KLC4: variants seen among roughly 807,000 people sequenced by gnomAD.
KLC4 encodes the protein kinesin light chain 4, also known as kinesin-like protein 8.
KLC4 carries 49 observed loss-of-function variants against 77.2 expected under a neutral mutation model. The ratio of observed to expected loss-of-function variants is 0.63; its 90% CI spans 0.50 to 0.80. The LOEUF is 0.80. KLC4 is among the 30% of genes least tolerant of loss of function. The pLI is 0.00. For synonymous variants in KLC4, 274 were observed against 314.5 expected (o/e 0.87, Z 1.36); for missense variants, 669 against 793.5 (o/e 0.84, Z 1.89).
Position 43,073,918 on chromosome 6 carries a change from G to A in KLC4, c.1762G>A (p.Ala588Thr), listed in dbSNP as rs367800145. The A allele has an allele frequency of 6.2e-7, 1 of 1,614,026 alleles. No homozygotes were observed. Among genetic ancestry groups the A allele is most frequent in the East Asian group, 2.2e-5 (1 of 44,874 alleles). Reference protein sequence around the residue: ...PRPSSSNMKRAASLNYLNQPS... With the variant: ...PRPSSSNMKRTASLNYLNQPS... ...CCATTGTAGCAGCAACATGAAGCGA[G>A]CAGCCTCCTTGAACTATCTGAACCA... The change falls in exon 15 of 16, where the codon GCA becomes ACA. Residue 588 changes from alanine to threonine, a missense_variant. Coordinates refer to ENST00000347162, the MANE Select transcript of KLC4 (RefSeq NM_201521.3).
Position 43,061,588 on chromosome 6 carries a change from G to T in KLC4, c.253G>T (p.Ala85Ser), listed in dbSNP as rs1765164777. ...MENIELGLSE[A>S]QVMLALASHL... ...AAACATTGAGCTCGGGCTGAGTGAGGCCCAGGTGAGAGGGCAAAGGTGGTG... is the reference window on the plus strand; with the variant it reads ...AAACATTGAGCTCGGGCTGAGTGAGTCCCAGGTGAGAGGGCAAAGGTGGTG... Residue 85 changes from alanine (A) to serine (S), a missense_variant, in exon 2 of 16, where the codon GCC becomes TCC. Coordinates refer to ENST00000347162, the MANE Select transcript of KLC4 (RefSeq NM_201521.3). 6.2e-7 allele frequency: 1 copy of T among 1,608,124 alleles called. No individual in the cohort carries two copies. The highest frequency in any genetic ancestry group is 8.5e-7 in the Non-Finnish European group (1 of 1,175,614).
At chr6:43,074,464 G>C (rs1256477160) in intron 15 of KLC4, 158 bp from the exon 16 acceptor site, 1 of 673,740 alleles carries the variant, frequency 1.5e-6, no homozygotes, top group Non-Finnish European at 2.6e-6. Context: ...CCCTAGCAGA[G>C]GCTAAACAAA....
intron 11 of KLC4, 75 bp from the exon 12 acceptor site, chr6:43,072,072 G>A: frequency 2.1e-6 from 3 of 1,441,292 alleles, no homozygotes; most frequent in Non-Finnish European, 2.9e-6. Flanking sequence ...TTTTCCTCTT[G>A]TCTTGCTTGG....
At chr6:43,063,472 C>G (rs1765265004) in intron 3 of KLC4, among the ~76,000 whole-genome samples, 1 of 152,188 alleles carries the variant, frequency 6.6e-6, no homozygotes, top group Non-Finnish European at 1.5e-5. Context: ...CAATTCCAAT[C>G]CAGAATTCTA....
rs548843407 is a variant in KLC4 at position 43,059,875 on chromosome 6, C to G, written c.-26+190C>G. 3 of 1,214,240 alleles carry G rather than the reference C, an allele frequency of 2.5e-6. No individual in the cohort carries two copies. In the South Asian group the frequency reaches 6.4e-5, roughly 26 times the overall value. The allele number at this position is 1,214,240 out of a possible 1,614,324, so 75.2% of individuals were successfully genotyped here. A position where few individuals can be genotyped will look rare whatever the true frequency, so the allele number is the denominator to read the frequency against. ...GATAGACAGACGACCTGCCCCGCCC[C>G]CTGCGCCACCGACTGACTCAGTGAC... On this transcript the variant is annotated intron_variant, in intron 1 of 15. Coordinates refer to ENST00000347162, the MANE Select transcript of KLC4 (RefSeq NM_201521.3).
At chr6:43,064,642 G>A (rs1208541790) in intron 3 of KLC4, among the ~76,000 whole-genome samples, 1 of 152,216 alleles carries the variant, frequency 6.6e-6, no homozygotes, top group Non-Finnish European at 1.5e-5. Flanking sequence ...TTCATGATGA[G>A]GAAGAGGGAG....
At position 43,070,809 on chromosome 6, in the gene KLC4, T is replaced by C. The variant is rs1765679491; in HGVS notation, c.1099T>C (p.Tyr367His). 1.2e-6 allele frequency: 2 copies of C among 1,612,710 alleles called. No homozygotes were observed. The highest frequency in any genetic ancestry group is 1.7e-6 in the Non-Finnish European group (2 of 1,179,716). ...ERYYQRALAI[Y>H]EGQLGPDNPN... is the part of the protein sequence containing the mutation. ...CTACTACCAGCGAGCACTGGCCATC[T>C]ACGAGGGGCAGCTGGGGCCGGACAA... is the stretch of plus-strand genomic sequence containing the variant. The change falls in exon 8 of 16, where the codon TAC becomes CAC. Residue 367 changes from tyrosine (Y) to histidine (H), a missense_variant. By Grantham distance (83) the Tyr-to-His change is moderately conservative. Transcript: ENST00000347162.
At chr6:43,062,340 G>A (rs1025439126) in intron 2 of KLC4, among the ~76,000 whole-genome samples, 2 of 152,344 alleles carry the variant, frequency 1.3e-5, no homozygotes, top group African/African-American at 4.8e-5. Context: ...TGCCTGCCAG[G>A]TTCAAGCGAT....
At position 43,073,230 on chromosome 6, in the gene KLC4, G is replaced by C. The variant is rs546419033; in HGVS notation, c.1637G>C (p.Ser546Thr). 2 of 1,613,798 alleles carry C rather than the reference G, an allele frequency of 1.2e-6. No homozygotes were observed. Among genetic ancestry groups the C allele is most frequent in the East Asian group, 4.5e-5 (2 of 44,888 alleles). Residue 546 changes from serine to threonine, a missense_variant, in exon 14 of 16, where the codon AGT becomes ACT. Transcript: ENST00000347162. ...CTCACTCCTTTCTGCCAGGATGGCA[G>C]TGGGACCCTGCAGAGGAGTGGCTCT... is the stretch of plus-strand genomic sequence containing the variant. ...SVAVEWSGDGSGTLQRSGSLG... is the reference protein window; with the variant it reads ...SVAVEWSGDGTGTLQRSGSLG...
In KLC4 at chr6:43,071,580, C is replaced by T. The variant is rs781248140; in HGVS notation, c.1269C>T (p.Pro423=). 31 of 1,613,552 alleles carry T rather than the reference C, an allele frequency of 1.9e-5. No individual in the cohort carries two copies. Among genetic ancestry groups the T allele is most frequent in the Non-Finnish European group, 3.4e-6 (4 of 1,179,910 alleles). ...EFGSVDDDHK[P]IWMHAEEREE... The stretch of plus-strand genomic sequence containing the variant: ...TATCACCCCTAGATGACCACAAGCC[C>T]ATCTGGATGCATGCAGAGGAGCGGG... Residue 423 remains proline, a synonymous_variant, in exon 10 of 16, where the codon CCC becomes CCT. Transcript: ENST00000347162.
rs1240047999 is a variant in KLC4, at chr6:43,070,478, C to A, written c.981+23C>A. ...AAGGTACCCATGCCCTCTCTCCCTT[C>A]TTCTCTTGTCGCTGTGACCCTTCTC... On this transcript the variant is annotated intron_variant, in intron 7 of 15. Transcript: ENST00000347162. 3.2e-6 allele frequency: 5 copies of A among 1,573,586 alleles called. No individual in the cohort carries two copies. In the Admixed American group the frequency reaches 8.3e-5, roughly 26 times the overall value.
At chr6:43,072,487 G>A (rs1393392531) in intron 12 of KLC4, among the ~76,000 whole-genome samples, 1 of 152,146 alleles carries the variant, frequency 6.6e-6, no homozygotes, top group East Asian at 1.9e-4. Context: ...GGGATATGAA[G>A]GAGAAACCCT....
intron 12 of KLC4, 79 bp from the exon 13 acceptor site, chr6:43,072,745 T>C: frequency 7.0e-7 from 1 of 1,438,672 alleles, no homozygotes; most frequent in Non-Finnish European, 9.6e-7. Flanking sequence ...TTCCAGTGGC[T>C]GATGGTGAAA....
rs1053011689 is a variant in KLC4 at position 43,066,867 on chromosome 6, C to G, written c.792-129C>G. 5.1e-6 allele frequency: 7 copies of G among 1,366,270 alleles called. No homozygotes were observed. In the Admixed American group the frequency reaches 1.6e-4, roughly 31 times the overall value. The allele number at this position is 1,366,270 out of a possible 1,614,324, so 84.6% of individuals were successfully genotyped here. On this transcript the variant is annotated intron_variant, in intron 5 of 15. Transcript: ENST00000347162. ...ATGTCAGTGAAGCCCCCTTACTGTC[C>G]ACGCCAGGCTTCCTGTCTCCTCATG...
At chr6:43,061,750 G>C (rs1240725441) in intron 2 of KLC4, among the ~76,000 whole-genome samples, 157 bp downstream of exon 2, 1 of 152,094 alleles carries the variant, frequency 6.6e-6, no homozygotes, top group Non-Finnish European at 1.5e-5. Flanking sequence ...AATGCTTTTG[G>C]GCACTGAAGA....
intron 7 of KLC4, 71 bp from the exon 8 acceptor site, chr6:43,070,621 T>C (rs1371905259): frequency 6.6e-7 from 1 of 1,514,336 alleles, no homozygotes; most frequent in Non-Finnish European, 9.1e-7. Flanking sequence ...TGTGCCTACA[T>C]GCAAACACAC....
At chr6:43,074,601 G>C (rs776465652) in intron 15 of KLC4, 21 bp from the exon 16 acceptor site, 1 of 1,612,956 alleles carries the variant, frequency 6.2e-7, no homozygotes, top group Non-Finnish European at 8.5e-7. Flanking sequence ...TGAGCTGATG[G>C]GGTAGTGTTG....
chr6:43,063,682 T>C (rs1313237472), intron 3 of KLC4, among the ~76,000 whole-genome samples: 3 of 151,946 alleles, frequency 2.0e-5, no homozygotes, highest in African/African-American at 7.3e-5. Context: ...GCCTCTTGAG[T>C]AGCTAGGATT....
At chr6:43,069,385 C>G (rs1430697546) in intron 6 of KLC4, among the ~76,000 whole-genome samples, 1 of 152,136 alleles carries the variant, frequency 6.6e-6, no homozygotes, top group African/African-American at 2.4e-5. Flanking sequence ...GCTGGGATTA[C>G]AGGTACGTGC....
Sources: allele counts gnomAD v4.1 joint callset (sites outside exome capture counted in the v4.1 genomes callset), GRCh38; gene constraint gnomAD v4.1.1; transcripts MANE v1.5; gene names NCBI Gene and HGNC (gene_info 2026-07-23, HGNC 2026-07-21).